The following STYXL1 variants were observed in gnomAD, a reference collection of about 807,000 sequenced individuals.
STYXL1 encodes serine/threonine/tyrosine interacting like 1.
Under a neutral mutation model 36.4 loss-of-function variants are expected in STYXL1, and 32 were observed. The observed-to-expected ratio is 0.88, with a 90% CI of 0.66 to 1.18. The LOEUF (loss-of-function observed/expected upper bound fraction) is 1.18. Among genes scored for constraint, STYXL1 ranks in the 50% most tolerant of loss-of-function variants. STYXL1 has a pLI of 0.00. For synonymous variants in STYXL1, 133 were observed against 144.1 expected, an observed-to-expected ratio of 0.92 and a Z score of 0.55; for missense variants, 354 against 394.1, an observed-to-expected ratio of 0.90 and a Z score of 0.86.
At chr7:76,002,739 CAT>C (rs1554568092) in intron 7 of STYXL1, among the ~76,000 whole-genome samples, 1 of 151,982 alleles carries the variant, frequency 6.6e-6, no homozygotes, top group Non-Finnish European at 1.5e-5. Flanking sequence ...GTTTGGGCAA[CAT>C]GGCAAAACCC....
intron 4 of STYXL1, among the ~76,000 whole-genome samples, chr7:76,021,596 C>A (rs573316536): frequency 2.6e-5 from 4 of 152,114 alleles, no homozygotes; most frequent in Non-Finnish European, 5.9e-5. Context: ...ATGACCCCAA[C>A]TTTCCAGTCC....
chr7:76,016,471 A>G (rs1248510153), intron 4 of STYXL1, among the ~76,000 whole-genome samples: 2 of 151,780 alleles, frequency 1.3e-5, no homozygotes, highest in East Asian at 3.9e-4. Flanking sequence ...ATATATACGC[A>G]TATATATACA....
At position 76,032,848 on chromosome 7, in the gene STYXL1, G is replaced by A. The variant is rs566154411; in HGVS notation, c.-4-2321C>T. ...GACAGAAGGTTGGGCAAGAGGAAGA[G>A]GGAGGGGGAGAGAGGACGAAACAAA... On this transcript the variant is annotated intron_variant, in intron 1 of 8. Transcript: ENST00000359697. Among the ~76,000 whole-genome samples the A allele has an allele frequency of 3.3e-5, 5 of 152,330 alleles. No individual in the cohort carries two copies. The East Asian group carries it at 5.8e-4, about 18-fold the overall frequency.
At chr7:76,012,716 G>A (rs1202138257) in intron 5 of STYXL1, among the ~76,000 whole-genome samples, 1 of 151,716 alleles carries the variant, frequency 6.6e-6, no homozygotes, top group Non-Finnish European at 1.5e-5. Flanking sequence ...TTTTTTTGTA[G>A]AGACAAGGTC....
chr7:76,019,928 A>C (rs1484110675), intron 4 of STYXL1, among the ~76,000 whole-genome samples: 1 of 78,972 alleles, frequency 1.3e-5, no homozygotes, highest in Non-Finnish European at 2.1e-5. Flanking sequence ...ACCCTGACTC[A>C]AAAAAAAAAA....
rs1797349228 is a variant in STYXL1, at chr7:76,047,913, C to T, written c.-256G>A. On this transcript the variant is annotated 5_prime_UTR_variant, in exon 1 of 9. Transcript: ENST00000359697. ...CCCACTCCGACCGCAGGTCCCCCACCGGCCACACAGACGGCTACGCTAGAA... is the reference window on the plus strand; with the variant it reads ...CCCACTCCGACCGCAGGTCCCCCACTGGCCACACAGACGGCTACGCTAGAA... 2.8e-6 allele frequency: 4 copies of T among 1,421,078 alleles called. No homozygotes were observed. In the South Asian group the frequency reaches 4.4e-5, roughly 16 times the overall value. 88.0% of individuals were successfully genotyped at this position (1,421,078 alleles called of 1,614,324 possible). A position where few individuals can be genotyped will look rare whatever the true frequency, so the allele number is the denominator to read the frequency against.
Position 76,003,865 on chromosome 7 carries a change from A to T in STYXL1, c.600-10T>A. Reference sequence around the variant, plus strand: ...AGCATCGCCTGCAAAACTACACGGAAGGACCACACAGGTCATCAGGTGGAA... The same window carrying T: ...AGCATCGCCTGCAAAACTACACGGATGGACCACACAGGTCATCAGGTGGAA... On this transcript the variant is annotated splice_polypyrimidine_tract_variant and intron_variant, in intron 6 of 8. Transcript: ENST00000359697. 6.2e-7 allele frequency: 1 copy of T among 1,613,558 alleles called. No homozygotes were observed. The highest frequency in any genetic ancestry group is 1.7e-4 in the Middle Eastern group (1 of 6,060).
intron 1 of STYXL1, among the ~76,000 whole-genome samples, chr7:76,042,130 G>A (rs1203634059): frequency 6.6e-6 from 1 of 152,152 alleles, no homozygotes; most frequent in Non-Finnish European, 1.5e-5. Flanking sequence ...TATGGGGTCT[G>A]GGCTGTAGAA....
At chr7:76,001,614 C>T (rs926437086) in intron 7 of STYXL1, among the ~76,000 whole-genome samples, 1 of 151,884 alleles carries the variant, frequency 6.6e-6, no homozygotes, top group Non-Finnish European at 1.5e-5. Context: ...CTGGCTTAAC[C>T]TCCCGAGTAC....
At position 76,005,337 on chromosome 7, in the gene STYXL1, C is replaced by A; in HGVS notation, c.521G>T (p.Ser174Ile). ...VPGKVFVGNF[S>I]QACDPKIQKD... ...CTGAATCTTGGGGTCACAGGCTTGA[C>A]TGAAATTGCCAACGAAGACCTTCCC... The change falls in exon 6 of 9, where the codon AGT (serine) becomes ATT (isoleucine). Residue 174 changes from serine (S) to isoleucine (I), a missense_variant. By Grantham distance (142) the Ser-to-Ile change is moderately radical. Transcript: ENST00000359697. 6.2e-7 allele frequency: 1 copy of A among 1,613,578 alleles called. No individual in the cohort carries two copies. Among genetic ancestry groups the A allele is most frequent in the Non-Finnish European group, 8.5e-7 (1 of 1,179,642 alleles).
At chr7:76,008,873 A>G (rs1792174243) in intron 5 of STYXL1, among the ~76,000 whole-genome samples, 1 of 152,096 alleles carries the variant, frequency 6.6e-6, no homozygotes, top group African/African-American at 2.4e-5. Flanking sequence ...GTGGTGGCAC[A>G]CGCCTGTAAT....
At chr7:76,016,883 T>C (rs1018247637) in intron 4 of STYXL1, among the ~76,000 whole-genome samples, 3 of 152,130 alleles carry the variant, frequency 2.0e-5, no homozygotes, top group African/African-American at 7.2e-5. Flanking sequence ...CCCATTACTA[T>C]GTACACATCC....
At chr7:76,021,365 G>A (rs888803359) in intron 4 of STYXL1, among the ~76,000 whole-genome samples, 56 of 152,260 alleles carry the variant, frequency 3.7e-4, no homozygotes, top group African/African-American at 1.3e-3. Context: ...ACAGGCATGA[G>A]CCACCGCGCC....
In STYXL1 at chr7:76,016,112, A is replaced by G. The variant is rs190786852; in HGVS notation, c.308-2225T>C. Among the ~76,000 whole-genome samples, 19 of 152,208 alleles carry G rather than the reference A, an allele frequency of 1.2e-4. No individual in the cohort carries two copies. The East Asian group carries it at 3.7e-3, about 29-fold the overall frequency. On this transcript the variant is annotated intron_variant, in intron 4 of 8. Coordinates refer to ENST00000359697, the MANE Select transcript of STYXL1 (RefSeq NM_001317785.2). ...CACATGTATCTACATATACACGCAT[A>G]TATATACACACACATATATCTATAC... is the stretch of plus-strand genomic sequence containing the variant.
At chr7:76,033,391 C>T (rs1433720005) in intron 1 of STYXL1, among the ~76,000 whole-genome samples, 1 of 152,132 alleles carries the variant, frequency 6.6e-6, no homozygotes, top group African/African-American at 2.4e-5. Flanking sequence ...AGTGATCCTC[C>T]CTCCTCGGCC....
intron 1 of STYXL1, among the ~76,000 whole-genome samples, chr7:76,046,362 T>C (rs1390642343): frequency 1.4e-5 from 2 of 138,112 alleles, no homozygotes; most frequent in African/African-American, 2.8e-5. Flanking sequence ...GCGCGCGCTT[T>C]TGAGCCGGAG....
At chr7:76,024,948 C>CAAAAA (rs56728505) in intron 3 of STYXL1, among the ~76,000 whole-genome samples, 5,915 of 72,254 alleles carry the variant, frequency 0.082, 265 homozygotes, top group South Asian at 0.13. Context: ...GACTCTGTCT[C>CAAAAA]AAAAAAAAAA....
chr7:76,003,862 G>A lies in STYXL1; in HGVS notation c.600-7C>T, dbSNP rs76090562. ...GTCAGCATCGCCTGCAAAACTACAC[G>A]GAAGGACCACACAGGTCATCAGGTG... On this transcript the variant is annotated splice_polypyrimidine_tract_variant and splice_region_variant and intron_variant, in intron 6 of 8. Transcript: ENST00000359697. The A allele has an allele frequency of 2.3e-3, 3,750 of 1,613,752 alleles. 60 individuals carry two copies. In the African/African-American group the frequency reaches 0.041, roughly 18 times the overall value.
chr7:76,017,532 C>T (rs1488118769), intron 4 of STYXL1, among the ~76,000 whole-genome samples: 7 of 151,740 alleles, frequency 4.6e-5, no homozygotes, highest in Admixed American at 2.0e-4. Flanking sequence ...AATAAAGATG[C>T]GGAACAACAC....
Sources: gnomAD v4.1 joint callset for allele counts (sites outside exome capture counted in the v4.1 genomes callset) on GRCh38, gnomAD v4.1.1 for gene constraint, MANE v1.5 for transcripts, NCBI Gene and HGNC (gene_info 2026-07-23, HGNC 2026-07-21) for gene names.